Variants in HPSE2 observed in about 807,000 individuals in gnomAD.
HPSE2 encodes the protein inactive heparanase-2.
Under a neutral mutation model 60.5 loss-of-function variants are expected in HPSE2, and 38 were observed. The ratio of observed to expected loss-of-function variants is 0.63; its 90% confidence interval spans 0.48 to 0.82. The LOEUF is 0.82. Ranked by LOEUF, HPSE2 falls within the 40% of genes least tolerant of loss-of-function variation. HPSE2 has a pLI of 0.00. For synonymous variants in HPSE2, 295 were observed against 293.2 expected, an observed-to-expected ratio of 1.01 and a Z score of -0.06; for missense variants, 713 against 740.4, an observed-to-expected ratio of 0.96 and a Z score of 0.43.
intron 3 of HPSE2, among the ~76,000 whole-genome samples, chr10:98,905,344 T>C (rs1953785111): frequency 6.9e-6 from 1 of 144,144 alleles, no homozygotes; most frequent in Non-Finnish European, 1.5e-5. Flanking sequence ...CAGAGTGTGA[T>C]ATTCCCCTTC....
intron 3 of HPSE2, among the ~76,000 whole-genome samples, chr10:99,104,183 C>A (rs1319165430): frequency 2.6e-5 from 4 of 152,172 alleles, no homozygotes; most frequent in Admixed American, 6.5e-5. Flanking sequence ...AAACTACCAT[C>A]AGAGTGAACA....
At chr10:98,748,558 C>G (rs1218694503) in intron 3 of HPSE2, among the ~76,000 whole-genome samples, 2 of 152,076 alleles carry the variant, frequency 1.3e-5, no homozygotes, top group African/African-American at 4.8e-5. Context: ...CTAAGAAGCA[C>G]TGGATAGTGG....
chr10:98,499,818 G>A (rs1432057305), intron 9 of HPSE2, among the ~76,000 whole-genome samples: 6 of 152,128 alleles, frequency 3.9e-5, no homozygotes, highest in Non-Finnish European at 5.9e-5. Flanking sequence ...AAGTAAAGGG[G>A]TGGAAAAAGG....
At chr10:98,581,369 T>C (rs1229288468) in intron 9 of HPSE2, among the ~76,000 whole-genome samples, 1 of 152,194 alleles carries the variant, frequency 6.6e-6, no homozygotes, top group Admixed American at 6.5e-5. Context: ...ACAAATCCAT[T>C]TTAACTTAAC....
intron 2 of HPSE2, among the ~76,000 whole-genome samples, chr10:99,185,669 G>C (rs543758745): frequency 6.6e-6 from 1 of 151,970 alleles, no homozygotes; most frequent in Non-Finnish European, 1.5e-5. Flanking sequence ...AGCTACTCGG[G>C]AGGCTGAGGC....
the HPSE2 span, among the ~76,000 whole-genome samples, chr10:99,264,148 C>T: frequency 2.2e-3 from 241 of 111,126 alleles, 1 homozygote; most frequent in African/African-American, 5.6e-3. Flanking sequence ...AGTGTGGTGG[C>T]GCTATCTCGG....
chr10:99,163,101 C>G (rs1846910517), intron 2 of HPSE2, among the ~76,000 whole-genome samples: 2 of 151,956 alleles, frequency 1.3e-5, no homozygotes, highest in South Asian at 4.2e-4. Context: ...GTCCCAGCTA[C>G]TAGGGAGGCT....
chr10:98,541,622 G>A (rs547682747), intron 9 of HPSE2, among the ~76,000 whole-genome samples: 48 of 152,322 alleles, frequency 3.2e-4, no homozygotes, highest in South Asian at 1.2e-3. Context: ...CCCGAATACT[G>A]CGCTTTTCTG....
chr10:99,173,301 C>T (rs528032328), intron 2 of HPSE2, among the ~76,000 whole-genome samples: 1 of 152,162 alleles, frequency 6.6e-6, no homozygotes, highest in Admixed American at 6.5e-5. Context: ...CAAAGAGGTC[C>T]ATTAATCTGC....
intron 3 of HPSE2, among the ~76,000 whole-genome samples, chr10:99,076,444 G>A (rs770285015): frequency 6.6e-6 from 1 of 152,164 alleles, no homozygotes; most frequent in Admixed American, 6.5e-5. Flanking sequence ...CTGGAGAGCA[G>A]TGGTGTGATC....
At chr10:98,531,327 C>A (rs115748516) in intron 9 of HPSE2, among the ~76,000 whole-genome samples, 2 of 152,152 alleles carry the variant, frequency 1.3e-5, no homozygotes, top group East Asian at 3.9e-4. Flanking sequence ...AGAACAGAAA[C>A]GGCTAAGCTC....
chr10:98,499,194 T>G (rs1041415648), intron 9 of HPSE2, among the ~76,000 whole-genome samples: 8 of 152,158 alleles, frequency 5.3e-5, no homozygotes, highest in Non-Finnish European at 8.8e-5. Flanking sequence ...CCTAGGCATA[T>G]TGTCATCAGG....
chr10:98,460,996 T>C (rs1940263613), intron 11 of HPSE2, among the ~76,000 whole-genome samples: 1 of 152,250 alleles, frequency 6.6e-6, no homozygotes, highest in Non-Finnish European at 1.5e-5. Flanking sequence ...AAAATCAACA[T>C]TGCATAGTGA....
chr10:98,496,395 T>G (rs1022441383), intron 9 of HPSE2, among the ~76,000 whole-genome samples: 4 of 152,210 alleles, frequency 2.6e-5, no homozygotes, highest in African/African-American at 9.6e-5. Flanking sequence ...AGTGGTTGCC[T>G]GCCTCTTTAT....
chr10:98,810,726 A>T (rs1250227035), intron 3 of HPSE2, among the ~76,000 whole-genome samples: 1 of 152,112 alleles, frequency 6.6e-6, no homozygotes, highest in Non-Finnish European at 1.5e-5. Flanking sequence ...CCACACATAA[A>T]ATATGCTAAC....
At chr10:98,851,094 T>C (rs773043825) in intron 3 of HPSE2, among the ~76,000 whole-genome samples, 22 of 152,222 alleles carry the variant, frequency 1.4e-4, no homozygotes, top group Non-Finnish European at 2.8e-4. Context: ...TTATTCCACA[T>C]AGTGATAGCA....
chr10:98,460,946 C>T (rs952675913), intron 11 of HPSE2, among the ~76,000 whole-genome samples: 3 of 152,258 alleles, frequency 2.0e-5, no homozygotes, highest in Admixed American at 2.0e-4. Context: ...AGGCCAGAAA[C>T]AGGCCACCAG....
At chr10:98,949,204 A>T (rs11189902) in intron 3 of HPSE2, among the ~76,000 whole-genome samples, 69,265 of 151,346 alleles carry the variant, frequency 0.46, 17,848 homozygotes, top group Non-Finnish European at 0.59. Context: ...ATAATCCTTT[A>T]AAAAAAAAGT....
chr10:99,303,916 T>C, the HPSE2 span, among the ~76,000 whole-genome samples: 1 of 152,156 alleles, frequency 6.6e-6, no homozygotes, highest in Non-Finnish European at 1.5e-5. Context: ...GGTAAAACAA[T>C]GCTGGCACAA....
Sources: gnomAD v4.1 joint callset for allele counts (sites outside exome capture counted in the v4.1 genomes callset) on GRCh38, gnomAD v4.1.1 for gene constraint, MANE v1.5 for transcripts, NCBI Gene and HGNC (gene_info 2026-07-23, HGNC 2026-07-21) for gene names.